The following TFF2 variants were observed in gnomAD, a reference collection of about 807,000 sequenced individuals.
TFF2 encodes spasmolysin.
In TFF2, 19 loss-of-function variants were observed where a neutral mutation model predicts 16.0. The ratio of observed to expected loss-of-function variants is 1.19; its 90% CI spans 0.83 to 1.74. TFF2 has a LOEUF of 1.74. Among genes scored for constraint, TFF2 ranks in the 40% most tolerant of loss-of-function variants. The pLI, the probability that TFF2 is intolerant of heterozygous loss-of-function variation, is 0.00. For synonymous variants in TFF2, 61 were observed against 65.4 expected, an observed-to-expected ratio of 0.93 and a Z score of 0.32; for missense variants, 168 against 166.8, an observed-to-expected ratio of 1.01 and a Z score of -0.04.
chr21:42,346,544 A>G lies in TFF2; in HGVS notation c.379T>C (p.Cys127Arg), dbSNP rs2052069586. The change falls in exon 4 of 4, where the codon TGC becomes CGC. Residue 127 changes from cysteine to arginine, a missense_variant and splice_region_variant. By Grantham distance (180) the Cys-to-Arg change is radical. Coordinates refer to ENST00000291526, the MANE Select transcript of TFF2 (RefSeq NM_005423.5). ...WCFFPKSVED[C>R]HY Reference sequence around the variant, plus strand: ...GGAACCAGCCTCTCTTAGTAATGGCAGTCTAGAAGTTTAAATGCAAGATGG... The same window carrying G: ...GGAACCAGCCTCTCTTAGTAATGGCGGTCTAGAAGTTTAAATGCAAGATGG... The G allele has an allele frequency of 6.3e-7, 1 of 1,598,556 alleles. No homozygotes were observed. Among genetic ancestry groups the G allele is most frequent in the Admixed American group, 1.8e-5 (1 of 55,636 alleles).
chr21:42,349,115 C>CA (rs1360451736), intron 2 of TFF2, among the ~76,000 whole-genome samples: 9 of 148,784 alleles, frequency 6.0e-5, no homozygotes, highest in African/African-American at 2.2e-4. Context: ...GGGCTAGCTC[C>CA]GATTAACCAA....
At chr21:42,347,993 G>C (rs939468423) in intron 2 of TFF2, among the ~76,000 whole-genome samples, 1 of 152,222 alleles carries the variant, frequency 6.6e-6, no homozygotes, top group African/African-American at 2.4e-5. Context: ...GGTCCCCCGG[G>C]CCAAGATGAG....
Position 42,346,483 on chromosome 21 carries a change from G to A in TFF2, c.*50C>T. The A allele has an allele frequency of 8.7e-6, 14 of 1,610,998 alleles. No homozygotes were observed. Among genetic ancestry groups the A allele is most frequent in the Non-Finnish European group, 1.2e-5 (14 of 1,177,900 alleles). On this transcript the variant is annotated 3_prime_UTR_variant, in exon 4 of 4. Coordinates refer to ENST00000291526, the MANE Select transcript of TFF2 (RefSeq NM_005423.5). ...GCTGATAAGGCGAAGTTTCTTCTTT[G>A]GTTTCGGAACACCCGGTGAGCCAGA...
intron 1 of TFF2, among the ~76,000 whole-genome samples, chr21:42,350,656 C>T (rs768157288): frequency 1.4e-4 from 21 of 152,160 alleles, no homozygotes; most frequent in Admixed American, 1.0e-3. Context: ...CCTCCTGGCC[C>T]GACACGGGGC....
intron 1 of TFF2, 96 bp downstream of exon 1, chr21:42,350,783 G>C: frequency 7.6e-7 from 1 of 1,311,858 alleles, no homozygotes; most frequent in Non-Finnish European, 1.1e-6. Context: ...TGCCTTTATA[G>C]CCATTCCCCC....
intron 2 of TFF2, among the ~76,000 whole-genome samples, chr21:42,348,404 GTCACA>G (rs2052086277): frequency 2.0e-5 from 3 of 152,244 alleles, no homozygotes. Flanking sequence ...TTCTTCAGAA[GTCACA>G]CTTCAAAAAC....
Position 42,347,646 on chromosome 21 carries a change from G to A in TFF2, c.230-14C>T, listed in dbSNP as rs1383833755. 3 of 1,612,928 alleles carry A rather than the reference G, an allele frequency of 1.9e-6. No homozygotes were observed. The highest frequency in any genetic ancestry group is 2.5e-6 in the Non-Finnish European group (3 of 1,179,714). ...ACTGATCCGACTCTGCCATGGGACA[G>A]GCACAGCACCGAGACCCAGTCAGGC... is the stretch of plus-strand genomic sequence containing the variant. On this transcript the variant is annotated splice_polypyrimidine_tract_variant and intron_variant, in intron 2 of 3. Coordinates refer to ENST00000291526, the MANE Select transcript of TFF2 (RefSeq NM_005423.5).
intron 2 of TFF2, 144 bp from the exon 3 acceptor site, chr21:42,347,776 G>T: frequency 9.3e-7 from 1 of 1,075,482 alleles, no homozygotes; most frequent in Non-Finnish European, 1.3e-6. Context: ...CCCCCGGGAC[G>T]GCCTCCCCCG....
chr21:42,349,059 T>A (rs962122077), intron 2 of TFF2, among the ~76,000 whole-genome samples: 1 of 150,154 alleles, frequency 6.7e-6, no homozygotes, highest in South Asian at 2.1e-4. Context: ...CCTGGGCTAC[T>A]AGCCTCAGAC....
chr21:42,350,024 C>A lies in TFF2; in HGVS notation c.86G>T (p.Cys29Phe). The change falls in exon 2 of 4, where the codon TGC becomes TTC. Residue 29 changes from cysteine to phenylalanine, a missense_variant. Transcript: ENST00000291526. Reference sequence around the variant, plus strand: ...ATGGGGGCTCAGCCTGGAGCACTGGCAGGGGGCTGTGGAAAGACCCTCAGT... The same window carrying A: ...ATGGGGGCTCAGCCTGGAGCACTGGAAGGGGGCTGTGGAAAGACCCTCAGT... The part of the protein sequence containing the change: ...ALAGSEKPSP[C>F]QCSRLSPHNR... The A allele has an allele frequency of 1.3e-6, 2 of 1,597,778 alleles. No homozygotes were observed. The highest frequency in any genetic ancestry group is 1.7e-5 in the Admixed American group (1 of 58,158).
At position 42,350,012 on chromosome 21, in the gene TFF2, C is replaced by T; in HGVS notation, c.98G>A (p.Arg33Lys). ...SEKPSPCQCS[R>K]LSPHNRTNCG... Reference sequence around the variant, plus strand: ...GTTCGTCCTGTTATGGGGGCTCAGCCTGGAGCACTGGCAGGGGGCTGTGGA... The same window carrying T: ...GTTCGTCCTGTTATGGGGGCTCAGCTTGGAGCACTGGCAGGGGGCTGTGGA... Residue 33 changes from arginine to lysine, a missense_variant, in exon 2 of 4, where the codon AGG becomes AAG. Arg to Lys is a conservative substitution (Grantham distance 26). Coordinates refer to ENST00000291526, the MANE Select transcript of TFF2 (RefSeq NM_005423.5). 6.3e-7 allele frequency: 1 copy of T among 1,599,508 alleles called. No individual in the cohort carries two copies. The highest frequency in any genetic ancestry group is 8.5e-7 in the Non-Finnish European group (1 of 1,172,862).
intron 2 of TFF2, 127 bp from the exon 3 acceptor site, chr21:42,347,759 G>A (rs118043025): frequency 0.013 from 17,022 of 1,271,486 alleles, 169 homozygotes; most frequent in Admixed American, 0.015. Context: ...GCTGCCTGGG[G>A]CAGCATCCCC....
chr21:42,346,651 A>T, intron 3 of TFF2, 105 bp from the exon 4 acceptor site: 3 of 1,275,782 alleles, frequency 2.4e-6, no homozygotes, highest in Non-Finnish European at 3.2e-6. Flanking sequence ...GGAGCTTCCT[A>T]CTGAAGAAGG....
intron 2 of TFF2, among the ~76,000 whole-genome samples, chr21:42,347,852 C>T (rs1470384035): frequency 1.3e-5 from 2 of 152,162 alleles, no homozygotes; most frequent in Non-Finnish European, 2.9e-5. Flanking sequence ...TCGGCCCCAG[C>T]GACGCTTGGC....
At position 42,350,048 on chromosome 21, in the gene TFF2, G is replaced by T; in HGVS notation, c.80-18C>A. On this transcript the variant is annotated intron_variant, in intron 1 of 3. Coordinates refer to ENST00000291526, the MANE Select transcript of TFF2 (RefSeq NM_005423.5). ...GCAGGGGGCTGTGGAAAGACCCTCA[G>T]TCGGCCCCACCCTGGTACCCCAGAC... is the stretch of plus-strand genomic sequence containing the variant. 5.0e-6 allele frequency: 8 copies of T among 1,588,704 alleles called. No homozygotes were observed. Among genetic ancestry groups the T allele is most frequent in the Non-Finnish European group, 6.8e-6 (8 of 1,168,190 alleles).
rs191095459 is a variant in TFF2, at chr21:42,350,130, A to G, written c.80-100T>C. The G allele has an allele frequency of 4.2e-5, 61 of 1,435,906 alleles. No individual in the cohort carries two copies. In the East Asian group the frequency reaches 1.5e-3, roughly 35 times the overall value. The allele number at this position is 1,435,906 out of a possible 1,614,324, so 88.9% of individuals were successfully genotyped here. On this transcript the variant is annotated intron_variant, in intron 1 of 3. Coordinates refer to ENST00000291526, the MANE Select transcript of TFF2 (RefSeq NM_005423.5). Reference sequence around the variant, plus strand: ...GATGCCTCTACTGTCTTGTTGCCACATAGAGAAACACAAAGTCTTATCTTG... The same window carrying G: ...GATGCCTCTACTGTCTTGTTGCCACGTAGAGAAACACAAAGTCTTATCTTG...
At chr21:42,349,783 G>A in intron 2 of TFF2, 98 bp downstream of exon 2, 2 of 1,279,602 alleles carry the variant, frequency 1.6e-6, no homozygotes, top group African/African-American at 1.5e-5. Flanking sequence ...CCCTAGACTA[G>A]CAACTGGGCC....
At position 42,346,552 on chromosome 21, in the gene TFF2, A is replaced by G; in HGVS notation, c.377-6T>C. On this transcript the variant is annotated splice_region_variant and splice_polypyrimidine_tract_variant and intron_variant, in intron 3 of 3. Coordinates refer to ENST00000291526, the MANE Select transcript of TFF2 (RefSeq NM_005423.5). ...CCTCTCTTAGTAATGGCAGTCTAGA[A>G]GTTTAAATGCAAGATGGTTGGTAAG... 3 of 1,597,480 alleles carry G rather than the reference A, an allele frequency of 1.9e-6. No individual in the cohort carries two copies. The highest frequency in any genetic ancestry group is 2.6e-6 in the Non-Finnish European group (3 of 1,175,460).
At chr21:42,350,726 C>A (rs573317268) in intron 1 of TFF2, among the ~76,000 whole-genome samples, 153 bp downstream of exon 1, 25 of 152,330 alleles carry the variant, frequency 1.6e-4, no homozygotes, top group Non-Finnish European at 3.4e-4. Flanking sequence ...TTGGAGCCAC[C>A]CTCCTGAGCA....
Sources: gnomAD v4.1 joint callset for allele counts (sites outside exome capture counted in the v4.1 genomes callset) on GRCh38, gnomAD v4.1.1 for gene constraint, MANE v1.5 for transcripts, NCBI Gene and HGNC (gene_info 2026-07-23, HGNC 2026-07-21) for gene names.